Variants in PCDHA11 observed in about 807,000 individuals in gnomAD.
The protein encoded by PCDHA11 is protocadherin alpha-11.
PCDHA11 carries 61 observed loss-of-function variants against 70.3 expected under a neutral mutation model. The ratio of observed to expected loss-of-function variants is 0.87; its 90% CI spans 0.71 to 1.07. The LOEUF is 1.07. Among genes scored for constraint, PCDHA11 ranks in the 50% least tolerant of loss-of-function variants. The pLI is 0.00. For synonymous variants in PCDHA11, 633 were observed against 555.1 expected (o/e 1.14, Z -1.97); for missense variants, 1,324 against 1,237.5 (o/e 1.07, Z -1.05).
intron 1 of PCDHA11, among the ~76,000 whole-genome samples, chr5:140,887,519 T>C (rs1460911624): frequency 1.3e-5 from 2 of 152,190 alleles, no homozygotes; most frequent in East Asian, 3.8e-4. Flanking sequence ...CTTTTTTATA[T>C]ATGAGTCTTC....
intron 1 of PCDHA11, among the ~76,000 whole-genome samples, chr5:140,924,530 C>T (rs1263885513): frequency 6.6e-6 from 1 of 152,002 alleles, no homozygotes; most frequent in Non-Finnish European, 1.5e-5. Context: ...AGAGAATGCC[C>T]GAGCTACCCC....
chr5:140,982,362 A>ATTCTGCTC, intron 2 of PCDHA11, 113 bp from the exon 3 acceptor site: 1 of 1,531,968 alleles, frequency 6.5e-7, no homozygotes, highest in Non-Finnish European at 8.8e-7. Context: ...GCATGAGCAG[A>ATTCTGCTC]ATGTGTTAGC....
intron 1 of PCDHA11, among the ~76,000 whole-genome samples, chr5:140,951,398 A>T (rs1428015395): frequency 6.6e-6 from 1 of 152,100 alleles, no homozygotes; most frequent in Non-Finnish European, 1.5e-5. Flanking sequence ...TTATAAAGAA[A>T]AGAGGTTTAA....
chr5:140,934,705 C>T (rs1235956763), intron 1 of PCDHA11, among the ~76,000 whole-genome samples: 8 of 152,132 alleles, frequency 5.3e-5, no homozygotes, highest in African/African-American at 1.9e-4. Flanking sequence ...TCCTGGCCAT[C>T]TTACAAAAAG....
chr5:140,968,118 C>T (rs141928119), intron 1 of PCDHA11: 717 of 1,614,170 alleles, frequency 4.4e-4, no homozygotes, highest in Middle Eastern at 2.3e-3. Context: ...CAGCTCACAT[C>T]CCTGCGTACA....
rs782451974 is a variant in PCDHA11, at chr5:141,009,822, T to A, written c.2735T>A (p.Phe912Tyr). 6.2e-7 allele frequency: 1 copy of A among 1,613,720 alleles called. No individual in the cohort carries two copies. The highest frequency in any genetic ancestry group is 2.2e-5 in the East Asian group (1 of 44,866). Residue 912 changes from phenylalanine (F) to tyrosine (Y), a missense_variant, in exon 4 of 4, where the codon TTC (phenylalanine) becomes TAC (tyrosine). Physicochemically the swap from Phe to Tyr is conservative, Grantham distance 22. Transcript: ENST00000398640. ...AACAGCCAAATTGACAAAAGTGACTTCATAACCTTCGGCAAAAAGGAGGAG... is the reference window on the plus strand; with the variant it reads ...AACAGCCAAATTGACAAAAGTGACTACATAACCTTCGGCAAAAAGGAGGAG... ...PTNSQIDKSDFITFGKKEETK... is the reference protein window; with the variant it reads ...PTNSQIDKSDYITFGKKEETK...
At chr5:140,963,091 T>C (rs1250580965) in intron 1 of PCDHA11, among the ~76,000 whole-genome samples, 1 of 152,162 alleles carries the variant, frequency 6.6e-6, no homozygotes, top group African/African-American at 2.4e-5. Flanking sequence ...AAGACATGGC[T>C]CCTGCTTTCA....
chr5:140,953,913 G>A (rs2094950683), intron 1 of PCDHA11, among the ~76,000 whole-genome samples: 1 of 152,104 alleles, frequency 6.6e-6, no homozygotes, highest in African/African-American at 2.4e-5. Flanking sequence ...CATCCATTAG[G>A]TATTCTTCCT....
chr5:140,872,816 T>C (rs1204141018), intron 1 of PCDHA11, among the ~76,000 whole-genome samples: 2 of 152,190 alleles, frequency 1.3e-5, no homozygotes, highest in African/African-American at 4.8e-5. Context: ...GTTTTTCAGA[T>C]TCATCTAGCA....
chr5:140,938,650 A>G (rs184257234), intron 1 of PCDHA11, among the ~76,000 whole-genome samples: 3 of 152,214 alleles, frequency 2.0e-5, no homozygotes, highest in Non-Finnish European at 2.9e-5. Flanking sequence ...ATCCTTCTTT[A>G]TATCATTAGA....
In PCDHA11 at chr5:140,968,189, T is replaced by G. The variant is rs181004208; in HGVS notation, c.2392-10760T>G. The G allele has an allele frequency of 2.2e-5, 35 of 1,614,034 alleles. No individual in the cohort carries two copies. The Admixed American group carries it at 4.2e-4, about 19-fold the overall frequency. On this transcript the variant is annotated intron_variant, in intron 1 of 3. Coordinates refer to ENST00000398640, the MANE Select transcript of PCDHA11 (RefSeq NM_018902.5). ...ACCAAGCTTCCTGGAGGACTCCTAT[T>G]CCATCTACATACAGGAGAACAATTT... is the stretch of plus-strand genomic sequence containing the variant.
At chr5:140,905,383 A>G (rs576453128) in intron 1 of PCDHA11, among the ~76,000 whole-genome samples, 8 of 152,324 alleles carry the variant, frequency 5.3e-5, no homozygotes, top group African/African-American at 1.7e-4. Flanking sequence ...GTTCTGTTTC[A>G]TAGGTCTGTG....
intron 1 of PCDHA11, among the ~76,000 whole-genome samples, chr5:140,944,328 C>T (rs1478623361): frequency 1.3e-5 from 2 of 152,124 alleles, no homozygotes; most frequent in African/African-American, 4.8e-5. Context: ...GCTGGGATTA[C>T]AAGCACGTGC....
Position 140,870,456 on chromosome 5 carries a change from G to A in PCDHA11, c.1353G>A (p.Ala451=), listed in dbSNP as rs782212198. Reference sequence around the variant, plus strand: ...AGGTGGCCGACGTGAACGACAATGCGCCTGCGTTCGCACAGCCCGAGTACA... The same window carrying A: ...AGGTGGCCGACGTGAACGACAATGCACCTGCGTTCGCACAGCCCGAGTACA... The part of the protein sequence containing the change: ...SVEVADVNDN[A]PAFAQPEYTV... The change falls in exon 1 of 4, where the codon GCG becomes GCA. Residue 451 remains alanine (A), a synonymous_variant. Coordinates refer to ENST00000398640, the MANE Select transcript of PCDHA11 (RefSeq NM_018902.5). 9.3e-6 allele frequency: 15 copies of A among 1,614,110 alleles called. No individual in the cohort carries two copies. Among genetic ancestry groups the A allele is most frequent in the South Asian group, 5.5e-5 (5 of 91,094 alleles).
chr5:140,927,624 G>A (rs1554204821), intron 1 of PCDHA11: 3 of 1,614,212 alleles, frequency 1.9e-6, no homozygotes, highest in Non-Finnish European at 2.5e-6. Context: ...AGGTTCCAGA[G>A]ACTGCACCCA....
At chr5:140,987,635 G>A (rs2097262928) in intron 3 of PCDHA11, among the ~76,000 whole-genome samples, 3 of 152,176 alleles carry the variant, frequency 2.0e-5, no homozygotes, top group Non-Finnish European at 4.4e-5. Context: ...ATGAGATAAT[G>A]CACACATATT....
chr5:140,877,558 A>T, intron 1 of PCDHA11: 1 of 1,613,746 alleles, frequency 6.2e-7, no homozygotes, highest in Non-Finnish European at 8.5e-7. Flanking sequence ...TCTGGTGGAT[A>T]TTAACGTGTA....
chr5:140,926,323 G>C (rs977416438), intron 1 of PCDHA11: 1 of 152,270 alleles, frequency 6.6e-6, no homozygotes, highest in South Asian at 2.1e-4. Flanking sequence ...GGTGCGCCGG[G>C]GTCAGAGCGC....
At chr5:140,882,920 G>C (rs2059362328) in intron 1 of PCDHA11, 1 of 1,614,090 alleles carries the variant, frequency 6.2e-7, no homozygotes. Flanking sequence ...CAGTGATGGA[G>C]GTAAACCCGA....
Sources: allele counts gnomAD v4.1 joint callset (sites outside exome capture counted in the v4.1 genomes callset), GRCh38; gene constraint gnomAD v4.1.1; transcripts MANE v1.5; gene names NCBI Gene and HGNC (gene_info 2026-07-23, HGNC 2026-07-21).